NRXN1: variants seen among roughly 807,000 people sequenced by gnomAD.
NRXN1 encodes neurexin 1, also known as neurexin-1.
A neutral mutation model predicts 150.9 loss-of-function variants in NRXN1; 39 were observed. The observed-to-expected ratio is 0.26, with a 90% confidence interval of 0.20 to 0.34. The LOEUF (loss-of-function observed/expected upper bound fraction) is 0.34. Ranked by LOEUF, NRXN1 falls within the 10% of genes least tolerant of loss-of-function variation. The pLI is 1.00. For missense variants in NRXN1, 1,815 were observed against 1,949.9 expected (o/e 0.93, Z 1.30); for synonymous variants, 924 against 757.0 (o/e 1.22, Z -3.62).
At chr2:50,938,366 G>A (rs1399349507) in intron 2 of NRXN1, among the ~76,000 whole-genome samples, 8 of 152,100 alleles carry the variant, frequency 5.3e-5, no homozygotes, top group South Asian at 4.1e-4. Flanking sequence ...TGACTAAAAC[G>A]CTGTTATGCC....
At chr2:50,695,574 C>A (rs1392927895) in intron 5 of NRXN1, among the ~76,000 whole-genome samples, 3 of 152,092 alleles carry the variant, frequency 2.0e-5, no homozygotes, top group Non-Finnish European at 4.4e-5. Flanking sequence ...TAGACTAAGT[C>A]TTTGCTTTCC....
chr2:50,373,679 A>AAAGAAAG (rs1553513456), intron 17 of NRXN1, among the ~76,000 whole-genome samples: 54 of 65,656 alleles, frequency 8.2e-4, no homozygotes, highest in African/African-American at 2.6e-3. Flanking sequence ...AGAAAGAAAG[A>AAAGAAAG]AAAGAAAGAA....
rs1684883994 is a variant in NRXN1 at position 50,646,805 on chromosome 2, C to G, written c.833-23190G>C. On this transcript the variant is annotated intron_variant, in intron 5 of 22. Coordinates refer to ENST00000401669, the MANE Select transcript of NRXN1 (RefSeq NM_001330078.2). The stretch of plus-strand genomic sequence containing the variant: ...CACCATGATTCTCTGTTTGGACTAT[C>G]CTTCCTCTGAACTCCTCCAATATTT... Among the ~76,000 whole-genome samples, 3 of 145,532 alleles carry G rather than the reference C, an allele frequency of 2.1e-5. No individual in the cohort carries two copies. In the South Asian group the frequency reaches 6.9e-4, roughly 34 times the overall value.
chr2:50,603,336 T>C (rs1393586908), intron 8 of NRXN1, among the ~76,000 whole-genome samples: 1 of 152,128 alleles, frequency 6.6e-6, no homozygotes, highest in East Asian at 1.9e-4. Context: ...ATCAAAGCCG[T>C]TGGCTGGCTC....
At chr2:49,940,191 T>C (rs1671735242) in intron 22 of NRXN1, among the ~76,000 whole-genome samples, 1 of 152,164 alleles carries the variant, frequency 6.6e-6, no homozygotes, top group Non-Finnish European at 1.5e-5. Context: ...AACGCATCTA[T>C]AAAGGTAATG....
rs569093196 is a variant in NRXN1 at position 50,503,478 on chromosome 2, T to G, written c.2497+3017A>C. On this transcript the variant is annotated intron_variant, in intron 13 of 22. Coordinates refer to ENST00000401669, the MANE Select transcript of NRXN1 (RefSeq NM_001330078.2). ...CATAAGATAGCGTAATTATGAAGTA[T>G]TATAAAAACATAGCAATAGTGGGTC... 2.0e-5 allele frequency among the ~76,000 whole-genome samples: 3 copies of G among 148,756 alleles called. No individual in the cohort carries two copies. In the South Asian group the frequency reaches 6.3e-4, roughly 31 times the overall value.
At chr2:51,000,342 C>T (rs1265183671) in intron 2 of NRXN1, among the ~76,000 whole-genome samples, 3 of 151,982 alleles carry the variant, frequency 2.0e-5, no homozygotes, top group Admixed American at 6.6e-5. Flanking sequence ...TTACATTATA[C>T]ATAACACTCC....
At chr2:50,675,770 T>C (rs1313299217) in intron 5 of NRXN1, among the ~76,000 whole-genome samples, 1 of 152,062 alleles carries the variant, frequency 6.6e-6, no homozygotes, top group East Asian at 1.9e-4. Flanking sequence ...TTATGAACTG[T>C]CACAAGAGCA....
At chr2:50,800,571 C>T (rs1276958924) in intron 5 of NRXN1, among the ~76,000 whole-genome samples, 1 of 151,776 alleles carries the variant, frequency 6.6e-6, no homozygotes, top group African/African-American at 2.4e-5. Context: ...TTTTTTAAGA[C>T]AAAGTTTCAC....
At chr2:49,936,360 C>T (rs922419913) in intron 22 of NRXN1, among the ~76,000 whole-genome samples, 18 of 152,148 alleles carry the variant, frequency 1.2e-4, no homozygotes, top group Non-Finnish European at 2.2e-4. Flanking sequence ...CAGAATAATG[C>T]CTCCATTGGC....
intron 17 of NRXN1, among the ~76,000 whole-genome samples, chr2:50,329,617 GTATATATA>G (rs1172739306): frequency 2.2e-3 from 31 of 13,974 alleles, no homozygotes; most frequent in Non-Finnish European, 4.1e-3. Context: ...GTGTGTGTGT[GTATATATA>G]TATATATATA....
intron 12 of NRXN1, among the ~76,000 whole-genome samples, chr2:50,508,226 T>C (rs1447370672): frequency 6.6e-6 from 1 of 152,184 alleles, no homozygotes; most frequent in African/African-American, 2.4e-5. Flanking sequence ...AAAGGATGAA[T>C]TGCCTCAGTT....
intron 17 of NRXN1, among the ~76,000 whole-genome samples, chr2:50,333,631 C>T (rs375536152): frequency 4.0e-5 from 6 of 151,896 alleles, no homozygotes; most frequent in South Asian, 2.1e-4. Context: ...CGAGTCCTCC[C>T]GAAGGTGTCT....
At chr2:50,095,829 C>T (rs935498462) in intron 18 of NRXN1, among the ~76,000 whole-genome samples, 2 of 150,632 alleles carry the variant, frequency 1.3e-5, no homozygotes, top group African/African-American at 2.4e-5. Context: ...GGTACATGTG[C>T]ACAACGTGCA....
intron 17 of NRXN1, among the ~76,000 whole-genome samples, chr2:50,413,597 T>C (rs564292041): frequency 6.6e-6 from 1 of 152,152 alleles, no homozygotes; most frequent in African/African-American, 2.4e-5. Flanking sequence ...TGTAAATTAG[T>C]ACAACCACTA....
chr2:50,844,433 T>A (rs990964607), intron 5 of NRXN1, among the ~76,000 whole-genome samples: 2 of 152,216 alleles, frequency 1.3e-5, no homozygotes, highest in Non-Finnish European at 2.9e-5. Context: ...TTTGTTACAT[T>A]TGCAGGCTGG....
At chr2:50,445,859 C>CT (rs1293331183) in intron 17 of NRXN1, among the ~76,000 whole-genome samples, 2 of 152,150 alleles carry the variant, frequency 1.3e-5, no homozygotes, top group Admixed American at 1.3e-4. Context: ...CCCCTCAGGA[C>CT]TAGGGACATC....
At chr2:51,005,381 C>G (rs896704089) in intron 2 of NRXN1, among the ~76,000 whole-genome samples, 11 of 151,940 alleles carry the variant, frequency 7.2e-5, no homozygotes, top group African/African-American at 2.7e-4. Flanking sequence ...TCAATGTGAT[C>G]AGCATATCCA....
At chr2:50,594,022 G>T (rs1674732905) in intron 8 of NRXN1, among the ~76,000 whole-genome samples, 1 of 152,116 alleles carries the variant, frequency 6.6e-6, no homozygotes, top group Non-Finnish European at 1.5e-5. Flanking sequence ...ATTTTGCTTG[G>T]CACTTCTCCT....
Sources: allele counts gnomAD v4.1 joint callset (sites outside exome capture counted in the v4.1 genomes callset), GRCh38; gene constraint gnomAD v4.1.1; transcripts MANE v1.5; gene names NCBI Gene and HGNC (gene_info 2026-07-23, HGNC 2026-07-21).